The following LAIR1 variants were observed in gnomAD, a reference collection of about 807,000 sequenced individuals.
LAIR1 encodes the protein leukocyte associated immunoglobulin like receptor 1, also known as leukocyte-associated immunoglobulin-like receptor 1.
LAIR1 carries 24 observed loss-of-function variants against 32.8 expected under a neutral mutation model. The ratio of observed to expected loss-of-function variants is 0.73; its 90% CI spans 0.53 to 1.03. LAIR1 has a LOEUF of 1.03. Among genes scored for constraint, LAIR1 ranks in the 50% least tolerant of loss-of-function variants. LAIR1 has a pLI of 0.00. For synonymous variants in LAIR1, 150 were observed against 140.5 expected (o/e 1.07, Z -0.48); for missense variants, 355 against 347.5 (o/e 1.02, Z -0.17).
intron 2 of LAIR1, among the ~76,000 whole-genome samples, chr19:54,362,182 C>T (rs2082056504): frequency 6.6e-6 from 1 of 152,108 alleles, no homozygotes; most frequent in Admixed American, 6.5e-5. Context: ...CATTTAAAAT[C>T]TGCCCTCTTA....
chr19:54,373,487 A>G (rs534498707), upstream of LAIR1, among the ~76,000 whole-genome samples: 1 of 152,326 alleles, frequency 6.6e-6, no homozygotes, highest in African/African-American at 2.4e-5. Flanking sequence ...ATAGACCAAT[A>G]TTTATCAATT....
At chr19:54,360,876 T>C in intron 3 of LAIR1, 40 bp downstream of exon 3, 1 of 1,583,302 alleles carries the variant, frequency 6.3e-7, no homozygotes, top group Non-Finnish European at 8.6e-7. Flanking sequence ...AGCTCGAGGG[T>C]CGAGCTGAGA....
intron 2 of LAIR1, 69 bp from the exon 3 acceptor site, chr19:54,361,278 A>G: frequency 6.5e-7 from 1 of 1,530,364 alleles, no homozygotes. Context: ...ACGTCATTTT[A>G]GCATCACAAT....
rs1319326176 is a variant in LAIR1, at chr19:54,361,173, C to A, written c.107G>T (p.Gly36Val). The A allele has an allele frequency of 4.3e-6, 7 of 1,614,208 alleles. No homozygotes were observed. Among genetic ancestry groups the A allele is most frequent in the Non-Finnish European group, 5.9e-6 (7 of 1,180,036 alleles). The change falls in exon 3 of 10, where the codon GGC (glycine) becomes GTC (valine). Residue 36 changes from glycine to valine, a missense_variant. Gly to Val is a moderately radical substitution (Grantham distance 109). Coordinates refer to ENST00000391742, the MANE Select transcript of LAIR1 (RefSeq NM_002287.6). ...LPRPSISAEP[G>V]TVIPLGSHVT... is the part of the protein sequence containing the mutation. Reference sequence around the variant, plus strand: ...ATGGCTCCCCAGGGGGATCACGGTGCCTGGCTCAGCCGAGATGGAGGGTCT... The same window carrying A: ...ATGGCTCCCCAGGGGGATCACGGTGACTGGCTCAGCCGAGATGGAGGGTCT...
rs564281202 is a variant in LAIR1 at position 54,351,664 on chromosome 19, G to C, written c.*3604C>G. On this transcript the variant is annotated 3_prime_UTR_variant, in exon 10 of 10. Transcript: ENST00000391742. ...TTTCCATTGGACAGCAGGTGTGTAA[G>C]CAGGAGCCAAGAGTGAAACACGCTC... 1 of 152,238 alleles carries C rather than the reference G, an allele frequency of 6.6e-6. No individual in the cohort carries two copies. The highest frequency in any genetic ancestry group is 2.4e-5 in the African/African-American group (1 of 41,524). The allele number at this position is 152,238 out of a possible 1,614,324, so 9.4% of individuals were successfully genotyped here.
At chr19:54,366,399 G>A (rs375185713), upstream of LAIR1, among the ~76,000 whole-genome samples, 158 of 152,310 alleles carry the variant, frequency 1.0e-3, 5 homozygotes, top group South Asian at 0.029. Flanking sequence ...GAACTAGAGC[G>A]AAAGCCACCT....
upstream of LAIR1, among the ~76,000 whole-genome samples, chr19:54,368,986 C>A (rs979355065): frequency 3.3e-5 from 5 of 151,250 alleles, no homozygotes; most frequent in African/African-American, 1.2e-4. Context: ...TGCACCCGGC[C>A]GACTAATTCA....
Position 54,364,903 on chromosome 19 carries a change from C to T in LAIR1, c.-99G>A. Reference sequence around the variant, plus strand: ...CAGACAGGATGTGCTGCCCGGGGGCCTCCTGCCTATGGGGCTTCCACAGCA... The same window carrying T: ...CAGACAGGATGTGCTGCCCGGGGGCTTCCTGCCTATGGGGCTTCCACAGCA... On this transcript the variant is annotated 5_prime_UTR_variant, in exon 1 of 10. Transcript: ENST00000391742. The surrounding 1 kb of genome is among the most constrained non-coding windows in gnomAD (Gnocchi z 4.8). 6.2e-7 allele frequency: 1 copy of T among 1,607,200 alleles called. No individual in the cohort carries two copies. Among genetic ancestry groups the T allele is most frequent in the Admixed American group, 1.7e-5 (1 of 58,790 alleles).
At chr19:54,356,714 A>G (rs1189534115) in intron 5 of LAIR1, 95 bp from the exon 6 acceptor site, 5 of 1,290,776 alleles carry the variant, frequency 3.9e-6, no homozygotes, top group Non-Finnish European at 1.1e-6. Context: ...AGACTTACTA[A>G]TATATAAAAT....
intron 8 of LAIR1, 93 bp downstream of exon 8, chr19:54,356,137 A>C: frequency 7.1e-7 from 1 of 1,401,322 alleles, no homozygotes; most frequent in Non-Finnish European, 1.0e-6. Context: ...AATGTTCCCA[A>C]AGATTCTTCC....
chr19:54,357,801 G>A (rs1210231236), intron 4 of LAIR1, among the ~76,000 whole-genome samples: 2 of 151,802 alleles, frequency 1.3e-5, no homozygotes, highest in Non-Finnish European at 2.9e-5. Context: ...AAGAAAGGCA[G>A]ACATTCTCTC....
rs1024031273 is a variant in LAIR1 at position 54,353,256 on chromosome 19, G to A, written c.*2012C>T. 3 of 152,190 alleles carry A rather than the reference G, an allele frequency of 2.0e-5. No homozygotes were observed. Among genetic ancestry groups the A allele is most frequent in the African/African-American group, 7.2e-5 (3 of 41,390 alleles). The allele number at this position is 152,190 out of a possible 1,614,324, so 9.4% of individuals were successfully genotyped here. On this transcript the variant is annotated 3_prime_UTR_variant, in exon 10 of 10. Transcript: ENST00000391742. ...GGGACAGAGACAGACAGAGCAGGGA[G>A]AATGTGTCCCACGTGAAGAACAGGG... is the stretch of plus-strand genomic sequence containing the variant.
At position 54,364,237 on chromosome 19, in the gene LAIR1, A is replaced by G; in HGVS notation, c.70+58T>C. 6.4e-7 allele frequency: 1 copy of G among 1,553,708 alleles called. No homozygotes were observed. Among genetic ancestry groups the G allele is most frequent in the Non-Finnish European group, 8.9e-7 (1 of 1,126,366 alleles). Reference sequence around the variant, plus strand: ...CTAAGAATCAACATCACTCCCACCCAGCACTGCCCTTGGGGTGACAGAGGG... The same window carrying G: ...CTAAGAATCAACATCACTCCCACCCGGCACTGCCCTTGGGGTGACAGAGGG... On this transcript the variant is annotated intron_variant, in intron 2 of 9. Transcript: ENST00000391742. This position sits in a 1 kb window ranked among gnomAD's most constrained non-coding sequence, Gnocchi z 4.8.
At chr19:54,365,736 T>C (rs900758626), upstream of LAIR1, among the ~76,000 whole-genome samples, 9 of 151,106 alleles carry the variant, frequency 6.0e-5, no homozygotes, top group Admixed American at 4.0e-4. Flanking sequence ...GAGCTGAGAT[T>C]GCACCATTGC....
At chr19:54,363,470 C>G (rs556957591) in intron 2 of LAIR1, among the ~76,000 whole-genome samples, 6 of 152,110 alleles carry the variant, frequency 3.9e-5, no homozygotes, top group Non-Finnish European at 5.9e-5. Flanking sequence ...TTGTGGAAAT[C>G]GGTGTGCGGA....
chr19:54,365,277 T>G (rs1043187018), upstream of LAIR1, among the ~76,000 whole-genome samples: 1 of 152,222 alleles, frequency 6.6e-6, no homozygotes, highest in African/African-American at 2.4e-5. Context: ...TGATCTATGC[T>G]AAAATCCCGA....
chr19:54,359,237 G>A (rs1197576185), intron 4 of LAIR1, among the ~76,000 whole-genome samples: 2,354 of 150,846 alleles, frequency 0.016, 30 homozygotes, highest in African/African-American at 0.055. Flanking sequence ...AAACCCAGGT[G>A]GGGAAGGGGC....
chr19:54,364,974 C>A (rs2082204782), upstream of LAIR1: 14 of 1,505,266 alleles, frequency 9.3e-6, no homozygotes, highest in East Asian at 7.4e-5. This position sits in a 1 kb window ranked among gnomAD's most constrained non-coding sequence, Gnocchi z 4.8. Flanking sequence ...TTCTTTCCAC[C>A]CTTCCCACTA....
At chr19:54,375,691 G>C in the LAIR1 span, among the ~76,000 whole-genome samples, 1 of 151,944 alleles carries the variant, frequency 6.6e-6, no homozygotes, top group East Asian at 1.9e-4. Context: ...CACCTCCCCA[G>C]TGAGGCTTCA....
Sources: allele counts gnomAD v4.1 joint callset (sites outside exome capture counted in the v4.1 genomes callset), GRCh38; gene constraint gnomAD v4.1.1; non-coding constraint Gnocchi (gnomAD v3.1); transcripts MANE v1.5; gene names NCBI Gene and HGNC (gene_info 2026-07-23, HGNC 2026-07-21).